Variants in SI observed in about 807,000 individuals in gnomAD.
The protein encoded by SI is sucrase-isomaltase, intestinal.
SI carries 235 observed loss-of-function variants against 253.3 expected under a neutral mutation model. The ratio of observed to expected loss-of-function variants is 0.93; its 90% CI spans 0.83 to 1.03. The LOEUF is 1.03. SI is among the 50% of genes least tolerant of loss of function. The probability of loss-of-function intolerance (pLI) is 0.00; values close to 1 mark genes in which losing one functional copy is unlikely to be tolerated. For synonymous variants in SI, 819 were observed against 712.0 expected (o/e 1.15, Z -2.39); for missense variants, 2,442 against 2,211.1 (o/e 1.10, Z -2.09).
intron 22 of SI, among the ~76,000 whole-genome samples, chr3:165,034,037 A>C (rs1326453497): frequency 5.9e-5 from 9 of 151,728 alleles, no homozygotes; most frequent in Admixed American, 4.0e-4. Flanking sequence ...GAAGATAAGG[A>C]CTGAAATAGT....
rs771409581 is a variant in SI at position 165,039,910 on chromosome 3, G to A, written c.2221C>T (p.Leu741Phe). 9.9e-6 allele frequency: 16 copies of A among 1,612,692 alleles called. No individual in the cohort carries two copies. The South Asian group carries it at 1.6e-4, about 17-fold the overall frequency. The change falls in exon 19 of 48, where the codon CTT becomes TTT. Residue 741 changes from leucine to phenylalanine, a missense_variant. By Grantham distance (22) the Leu-to-Phe change is conservative (BLOSUM62 0). Transcript: ENST00000264382. Reference protein sequence around the residue: ...DTEFLWGPALLITPVLKQGAD... With the variant: ...DTEFLWGPALFITPVLKQGAD... ...ACCTGTTTTAGAACAGGAGTAATAA[G>A]TAATGCAGGGCCCCACAAAAACTCA...
chr3:164,987,463 C>A (rs1360108914), intron 44 of SI, among the ~76,000 whole-genome samples: 1 of 152,194 alleles, frequency 6.6e-6, no homozygotes, highest in Admixed American at 6.5e-5. Context: ...GTAATCCCAG[C>A]ACTTTGGGAG....
intron 38 of SI, among the ~76,000 whole-genome samples, chr3:164,997,391 C>T (rs1718059245): frequency 3.3e-5 from 5 of 150,966 alleles, no homozygotes; most frequent in Non-Finnish European, 7.4e-5. Context: ...TTATTTAGCA[C>T]TTATTCTACT....
At chr3:165,053,998 T>C (rs1044691307) in intron 13 of SI, among the ~76,000 whole-genome samples, 2 of 152,058 alleles carry the variant, frequency 1.3e-5, no homozygotes, top group African/African-American at 2.4e-5. Context: ...ACTGTCATCA[T>C]AGGAATCCTG....
intron 22 of SI, among the ~76,000 whole-genome samples, chr3:165,034,919 A>C (rs1712450150): frequency 6.6e-6 from 1 of 152,040 alleles, no homozygotes; most frequent in Admixed American, 6.6e-5. Flanking sequence ...CAGGCCAGTT[A>C]GGAAGTTATT....
In SI at chr3:164,982,346, G is replaced by T. The variant is rs759478116; in HGVS notation, c.5312C>A (p.Ser1771Tyr). Residue 1771 changes from serine to tyrosine, a missense_variant, in exon 47 of 48, where the codon TCC becomes TAC. By Grantham distance (144) the Ser-to-Tyr change is moderately radical (BLOSUM62 -2). Transcript: ENST00000264382. ...AGTTCCTTTCCCCCATACATGAAGGGATCCAAGCCTCGTTTCACTTTTATT... is the reference window on the plus strand; with the variant it reads ...AGTTCCTTTCCCCCATACATGAAGGTATCCAAGCCTCGTTTCACTTTTATT... ...YINKSETRLG[S>Y]LHVWGKGTTP... 2.5e-6 allele frequency: 4 copies of T among 1,612,464 alleles called. No homozygotes were observed. Among genetic ancestry groups the T allele is most frequent in the Admixed American group, 1.7e-5 (1 of 59,882 alleles).
Position 165,063,429 on chromosome 3 carries a change from G to T in SI, c.907+13C>A. 4.3e-6 allele frequency: 5 copies of T among 1,150,196 alleles called. No individual in the cohort carries two copies. Among genetic ancestry groups the T allele is most frequent in the East Asian group, 2.4e-5 (1 of 41,542 alleles). The allele number at this position is 1,150,196 out of a possible 1,614,324, so 71.2% of individuals were successfully genotyped here. ...GAAATCTATAAATATATTATCAAAT[G>T]AATTATTCTTACCCATTGCATTGCT... On this transcript the variant is annotated intron_variant, in intron 8 of 47. Transcript: ENST00000264382.
In SI at chr3:165,039,058, A is replaced by G. The variant is rs576773147; in HGVS notation, c.2301+20T>C. 2 of 1,500,242 alleles carry G rather than the reference A, an allele frequency of 1.3e-6. No homozygotes were observed. Among genetic ancestry groups the G allele is most frequent in the South Asian group, 1.1e-5 (1 of 87,954 alleles). 92.9% of individuals were successfully genotyped at this position (1,500,242 alleles called of 1,614,324 possible). On this transcript the variant is annotated intron_variant, in intron 20 of 47. Transcript: ENST00000264382. ...AAAATATAATACTTGTGAGTCCATTAGTATGTTAAGGTTACTTACAGATTC... is the reference window on the plus strand; with the variant it reads ...AAAATATAATACTTGTGAGTCCATTGGTATGTTAAGGTTACTTACAGATTC...
chr3:164,987,487 G>T (rs1717497213), intron 44 of SI, among the ~76,000 whole-genome samples: 1 of 152,188 alleles, frequency 6.6e-6, no homozygotes, highest in Non-Finnish European at 1.5e-5. Context: ...AAGGCGGGTG[G>T]ATCATGAGGT....
chr3:165,015,984 T>C lies in SI; in HGVS notation c.3856A>G (p.Arg1286Gly), dbSNP rs1559990364. 1.9e-6 allele frequency: 3 copies of C among 1,611,366 alleles called. No homozygotes were observed. The highest frequency in any genetic ancestry group is 1.1e-5 in the South Asian group (1 of 91,050). Residue 1286 changes from arginine (R) to glycine (G), a missense_variant, in exon 32 of 48, where the codon AGA becomes GGA. Arg to Gly is a moderately radical substitution (Grantham distance 125, BLOSUM62 -2). Coordinates refer to ENST00000264382, the MANE Select transcript of SI (RefSeq NM_001041.4). ...QDLPQFVDKI[R>G]GEGMRYIIIL... ...ATAATGTATCTCATTCCTTCTCCTC[T>C]TATTTTGTCAACAAACTGAGGAAGG...
At chr3:165,070,663 T>TA (rs1043425111) in intron 3 of SI, among the ~76,000 whole-genome samples, 1 of 151,986 alleles carries the variant, frequency 6.6e-6, no homozygotes, top group Non-Finnish European at 1.5e-5. Flanking sequence ...GTGCTAAGTT[T>TA]AAAAAATAAG....
At chr3:165,029,562 A>T (rs906884308) in intron 25 of SI, among the ~76,000 whole-genome samples, 2 of 146,690 alleles carry the variant, frequency 1.4e-5, no homozygotes, top group Non-Finnish European at 3.0e-5. Flanking sequence ...GGATAAAAAA[A>T]CTGTGGTGTA....
rs755058324 is a variant in SI, at chr3:165,055,261, C to A, written c.1445G>T (p.Cys482Phe). ...TVYPDFTNPN[C>F]IDWWANECSI... Reference sequence around the variant, plus strand: ...GCATTCATTTGCCCACCAATCAATGCAGTTTGGGTTAGTGAAATCAGGGTA... The same window carrying A: ...GCATTCATTTGCCCACCAATCAATGAAGTTTGGGTTAGTGAAATCAGGGTA... The change falls in exon 13 of 48, where the codon TGC (cysteine) becomes TTC (phenylalanine). Residue 482 changes from cysteine (C) to phenylalanine (F), a missense_variant. By Grantham distance (205) the Cys-to-Phe change is radical (BLOSUM62 -2). Transcript: ENST00000264382. The A allele has an allele frequency of 1.2e-6, 2 of 1,611,550 alleles. No homozygotes were observed. Among genetic ancestry groups the A allele is most frequent in the Non-Finnish European group, 8.5e-7 (1 of 1,178,322 alleles).
chr3:165,053,049 T>A (rs1212751503), intron 13 of SI, among the ~76,000 whole-genome samples: 1 of 151,748 alleles, frequency 6.6e-6, no homozygotes, highest in Non-Finnish European at 1.5e-5. Flanking sequence ...ATTCAAAAAA[T>A]GGAAATGGTA....
chr3:165,024,120 A>G (rs758328504), intron 25 of SI, among the ~76,000 whole-genome samples: 4 of 151,452 alleles, frequency 2.6e-5, no homozygotes, highest in Non-Finnish European at 4.4e-5. Context: ...CTTACTGTTC[A>G]TATTGATTGT....
chr3:164,996,619 G>A lies in SI; in HGVS notation c.4608C>T (p.Asn1536=). 1.2e-6 allele frequency: 2 copies of A among 1,608,794 alleles called. No homozygotes were observed. The highest frequency in any genetic ancestry group is 8.5e-7 in the Non-Finnish European group (1 of 1,175,952). Residue 1536 remains asparagine, a synonymous_variant, in exon 40 of 48, where the codon AAC becomes AAT. Transcript: ENST00000264382. ...TGADICGFFN[N]SEYHLCTRWM... ...AGCGGGTACAGAGATGATATTCTGAGTTGTTGAAAAAACCACAGATGTCTG... is the reference window on the plus strand; with the variant it reads ...AGCGGGTACAGAGATGATATTCTGAATTGTTGAAAAAACCACAGATGTCTG...
At chr3:165,073,658 T>G (rs566633294) in intron 3 of SI, among the ~76,000 whole-genome samples, 1 of 152,084 alleles carries the variant, frequency 6.6e-6, no homozygotes, top group Non-Finnish European at 1.5e-5. Context: ...ATATATAGAG[T>G]CAGCCCTCTG....
chr3:165,074,910 A>G (rs1714852195), intron 2 of SI, among the ~76,000 whole-genome samples: 1 of 152,052 alleles, frequency 6.6e-6, no homozygotes, highest in Non-Finnish European at 1.5e-5. Flanking sequence ...GAAATACAAA[A>G]TATATTTACA....
chr3:165,049,304 T>A (rs2108232423), intron 14 of SI, 60 bp from the exon 15 acceptor site: 1 of 980,042 alleles, frequency 1.0e-6, no homozygotes, highest in South Asian at 1.4e-5. Context: ...GTTATATATT[T>A]TCCATCATAA....
Sources: allele counts gnomAD v4.1 joint callset (sites outside exome capture counted in the v4.1 genomes callset), GRCh38; gene constraint gnomAD v4.1.1; transcripts MANE v1.5; gene names NCBI Gene and HGNC (gene_info 2026-07-23, HGNC 2026-07-21).